The following SIPA1L1 variants were observed in gnomAD, a reference collection of about 807,000 sequenced individuals.
SIPA1L1 encodes signal-induced proliferation-associated 1-like protein 1.
A neutral mutation model predicts 162.7 loss-of-function variants in SIPA1L1; 26 were observed. The ratio of observed to expected loss-of-function variants is 0.16; its 90% CI spans 0.12 to 0.22. The LOEUF is 0.22. Ranked by LOEUF, SIPA1L1 falls within the 10% of genes least tolerant of loss-of-function variation. The pLI, the probability that SIPA1L1 is intolerant of heterozygous loss-of-function variation, is 1.00. For missense variants in SIPA1L1, 1,874 were observed against 2,241.0 expected (o/e 0.84, Z 3.31); for synonymous variants, 829 against 837.4 (o/e 0.99, Z 0.17).
chr14:71,710,120 C>T (rs1473973619), intron 17 of SIPA1L1, among the ~76,000 whole-genome samples: 1 of 152,194 alleles, frequency 6.6e-6, no homozygotes, highest in Admixed American at 6.5e-5. Flanking sequence ...GCCTCTCAAG[C>T]CGAGAACCTC....
Position 71,587,739 on chromosome 14 carries a change from T to G in SIPA1L1, c.-134T>G, listed in dbSNP as rs1435501210. On this transcript the variant is annotated 5_prime_UTR_variant, in exon 5 of 24. Coordinates refer to ENST00000381232, the MANE Select transcript of SIPA1L1 (RefSeq NM_001386936.1). ...TACAAATAAAGCATCATTTAACCTT[T>G]TAAATGAAAAAGATTAAGATCTCAT... 5.9e-6 allele frequency: 5 copies of G among 852,442 alleles called. No homozygotes were observed. In the African/African-American group the frequency reaches 8.4e-5, roughly 14 times the overall value. 52.8% of individuals were successfully genotyped at this position (852,442 alleles called of 1,614,324 possible). A position where few individuals can be genotyped will look rare whatever the true frequency, so the allele number is the denominator to read the frequency against.
chr14:71,452,086 T>C (rs1392073934), intron 2 of SIPA1L1, among the ~76,000 whole-genome samples: 8 of 152,200 alleles, frequency 5.3e-5, no homozygotes, highest in Non-Finnish European at 1.0e-4. Context: ...TTTTCACCTT[T>C]GATAAGTTTT....
intron 2 of SIPA1L1, among the ~76,000 whole-genome samples, chr14:71,329,394 C>T (rs2034234519): frequency 6.6e-6 from 1 of 151,308 alleles, no homozygotes; most frequent in African/African-American, 2.4e-5. Context: ...CTAACTTCTC[C>T]ACATCCTTAC....
intron 4 of SIPA1L1, among the ~76,000 whole-genome samples, chr14:71,559,878 C>G (rs2056647027): frequency 6.6e-6 from 1 of 151,378 alleles, no homozygotes; most frequent in East Asian, 1.9e-4. Flanking sequence ...CTGAACTGGA[C>G]TTGACATGGA....
intron 2 of SIPA1L1, among the ~76,000 whole-genome samples, chr14:71,465,937 C>T (rs2046960210): frequency 6.6e-6 from 1 of 152,172 alleles, no homozygotes; most frequent in Non-Finnish European, 1.5e-5. Context: ...TCACATTCTT[C>T]TGCCTGCTTA....
intron 4 of SIPA1L1, among the ~76,000 whole-genome samples, chr14:71,558,176 G>C (rs1426274722): frequency 6.6e-6 from 1 of 152,164 alleles, no homozygotes. Context: ...TCAGCATGTA[G>C]AATGATGCCT....
chr14:71,469,911 G>A (rs1162542741), intron 2 of SIPA1L1, among the ~76,000 whole-genome samples: 1 of 152,208 alleles, frequency 6.6e-6, no homozygotes, highest in Non-Finnish European at 1.5e-5. Context: ...GGTCATGTGA[G>A]TGGGATGGGA....
intron 7 of SIPA1L1, among the ~76,000 whole-genome samples, chr14:71,626,247 A>G (rs1275498568): frequency 6.6e-6 from 1 of 152,210 alleles, no homozygotes; most frequent in Non-Finnish European, 1.5e-5. Context: ...AAGTGCCTTA[A>G]ATATGTCATC....
chr14:71,500,162 C>A (rs2050093625), intron 2 of SIPA1L1, among the ~76,000 whole-genome samples: 2 of 152,000 alleles, frequency 1.3e-5, no homozygotes, highest in South Asian at 4.1e-4. Flanking sequence ...TTAAGAATTT[C>A]TCTTCAACAA....
At chr14:71,323,465 T>C (rs947648985) in intron 2 of SIPA1L1, among the ~76,000 whole-genome samples, 1 of 152,326 alleles carries the variant, frequency 6.6e-6, no homozygotes, top group African/African-American at 2.4e-5. Flanking sequence ...GTATTATCAT[T>C]GTTATTGGTC....
At chr14:71,623,140 A>G (rs990201999) in intron 6 of SIPA1L1, among the ~76,000 whole-genome samples, 5 of 152,000 alleles carry the variant, frequency 3.3e-5, no homozygotes, top group African/African-American at 7.2e-5. Flanking sequence ...ACCTTGTTAT[A>G]CTTTGTTGGG....
At chr14:71,633,126 T>TGTTAC (rs2040755352) in intron 7 of SIPA1L1, among the ~76,000 whole-genome samples, 1 of 126,716 alleles carries the variant, frequency 7.9e-6, no homozygotes, top group Non-Finnish European at 1.6e-5. Flanking sequence ...TGTTATGTTA[T>TGTTAC]GTTATGTTAT....
intron 2 of SIPA1L1, among the ~76,000 whole-genome samples, chr14:71,392,122 G>A (rs2040811413): frequency 6.6e-6 from 1 of 152,154 alleles, no homozygotes; most frequent in African/African-American, 2.4e-5. Flanking sequence ...AGCCAGAGAG[G>A]CTTGGGGAGC....
chr14:71,331,514 C>G (rs2034540178), intron 2 of SIPA1L1, among the ~76,000 whole-genome samples: 1 of 152,180 alleles, frequency 6.6e-6, no homozygotes, highest in Non-Finnish European at 1.5e-5. Context: ...TCTAGCACTT[C>G]CGGTTTGCAA....
chr14:71,735,741 C>T (rs945260501), intron 22 of SIPA1L1: 5 of 176,200 alleles, frequency 2.8e-5, no homozygotes, highest in Admixed American at 6.2e-5. Context: ...CAGTCTCTTT[C>T]GCAGTGTTGC....
intron 7 of SIPA1L1, among the ~76,000 whole-genome samples, chr14:71,645,184 T>C (rs926257183): frequency 5.3e-5 from 8 of 152,210 alleles, no homozygotes; most frequent in Admixed American, 3.3e-4. Context: ...CTTTTCTCTT[T>C]TGTCTCCGTT....
intron 4 of SIPA1L1, among the ~76,000 whole-genome samples, chr14:71,540,892 C>T (rs1668118510): frequency 6.6e-6 from 1 of 152,140 alleles, no homozygotes; most frequent in Non-Finnish European, 1.5e-5. Context: ...TTTGGGAGGT[C>T]CAAGTAGGCG....
At chr14:71,468,182 T>A (rs1429308979) in intron 2 of SIPA1L1, among the ~76,000 whole-genome samples, 1 of 152,140 alleles carries the variant, frequency 6.6e-6, no homozygotes, top group Non-Finnish European at 1.5e-5. Context: ...CTAGACCCTC[T>A]AAGGCAGACA....
intron 2 of SIPA1L1, among the ~76,000 whole-genome samples, chr14:71,331,544 A>T (rs1467222155): frequency 6.6e-6 from 1 of 152,216 alleles, no homozygotes; most frequent in Non-Finnish European, 1.5e-5. Context: ...ACACATACAG[A>T]GTCCAGTGGC....
Sources: gnomAD v4.1 joint callset for allele counts (sites outside exome capture counted in the v4.1 genomes callset) on GRCh38, gnomAD v4.1.1 for gene constraint, MANE v1.5 for transcripts, NCBI Gene and HGNC (gene_info 2026-07-23, HGNC 2026-07-21) for gene names.